The following SEMA4B variants were observed in gnomAD, a reference collection of about 807,000 sequenced individuals.
SEMA4B encodes the protein semaphorin-4B.
SEMA4B carries 55 observed loss-of-function variants against 88.1 expected under a neutral mutation model. The observed-to-expected ratio is 0.62, with a 90% CI of 0.50 to 0.78. The LOEUF (loss-of-function observed/expected upper bound fraction) is 0.78. Among genes scored for constraint, SEMA4B ranks in the 30% least tolerant of loss-of-function variants. The probability of loss-of-function intolerance (pLI) is 0.00; values close to 1 mark genes in which losing one functional copy is unlikely to be tolerated. For missense variants in SEMA4B, 1,062 were observed against 1,111.9 expected (o/e 0.96, Z 0.64); for synonymous variants, 525 against 473.6 (o/e 1.11, Z -1.41).
At chr15:90,202,555 C>T (rs1335980629) in intron 1 of SEMA4B, among the ~76,000 whole-genome samples, 3 of 152,178 alleles carry the variant, frequency 2.0e-5, no homozygotes, top group African/African-American at 7.2e-5. Flanking sequence ...GGCACTTGGG[C>T]TTTAGATTCA....
In SEMA4B at chr15:90,204,472, G is replaced by T. The variant is rs898390920; in HGVS notation, c.157+2737G>T. The stretch of plus-strand genomic sequence containing the variant: ...TTAAGATGCAGGGAGCCGATTTGTG[G>T]CCTCGCCCAGTGGCCAGTAGGGAGA... On this transcript the variant is annotated intron_variant, in intron 1 of 13. Transcript: ENST00000411539. Among the ~76,000 whole-genome samples, 3 of 152,172 alleles carry T rather than the reference G, an allele frequency of 2.0e-5. No individual in the cohort carries two copies. The South Asian group carries it at 6.2e-4, about 31-fold the overall frequency.
In SEMA4B at chr15:90,225,780, C is replaced by T. The variant is rs754816369; in HGVS notation, c.1641C>T (p.Gly547=). Residue 547 remains glycine, a synonymous_variant, in exon 12 of 14, where the codon GGC becomes GGT. Coordinates refer to ENST00000411539, the MANE Select transcript of SEMA4B (RefSeq NM_198925.4). ...LARDPYCAWS[G]SSCKHVSLYQ... ...GGGACCCCTACTGTGCTTGGAGCGG[C>T]TCCAGCTGCAAGCACGTCAGCCTCT... The T allele has an allele frequency of 4.5e-6, 7 of 1,564,892 alleles. No homozygotes were observed. The highest frequency in any genetic ancestry group is 6.1e-6 in the Non-Finnish European group (7 of 1,156,138).
Position 90,219,795 on chromosome 15 carries a change from C to CTGTCCCCCCA in SEMA4B, c.387_388insTGTCCCCCCA (p.Asp130CysfsTer73). 1 of 1,612,584 alleles carries CTGTCCCCCCA rather than the reference C, an allele frequency of 6.2e-7. No homozygotes were observed. Among genetic ancestry groups the CTGTCCCCCCA allele is most frequent in the South Asian group, 1.1e-5 (1 of 90,958 alleles). ...ATCCCCTCGCTCCTTCCCCCCAGCG[C>CTGTCCCCCCA]GACTGTCAAAACTACATCAAGATCC... On this transcript the variant is annotated frameshift_variant, in exon 4 of 14. Coordinates refer to ENST00000411539, the MANE Select transcript of SEMA4B (RefSeq NM_198925.4). LOFTEE classifies it high-confidence loss of function.
chr15:90,197,864 T>G (rs1346425345), upstream of SEMA4B, among the ~76,000 whole-genome samples: 2 of 152,116 alleles, frequency 1.3e-5, no homozygotes, highest in Admixed American at 6.5e-5. Context: ...TCAACATGAC[T>G]TCAGTGGGAT....
At chr15:90,203,171 C>G (rs1960827447) in intron 1 of SEMA4B, among the ~76,000 whole-genome samples, 1 of 152,210 alleles carries the variant, frequency 6.6e-6, no homozygotes, top group African/African-American at 2.4e-5. Flanking sequence ...TCAGAGTTTA[C>G]TTCTGTACAT....
At chr15:90,226,425 C>G (rs1962176649) in intron 12 of SEMA4B, among the ~76,000 whole-genome samples, 1 of 152,168 alleles carries the variant, frequency 6.6e-6, no homozygotes, top group South Asian at 2.1e-4. Context: ...ACTGCAACCT[C>G]CACGTCCTGG....
intron 12 of SEMA4B, 111 bp from the exon 13 acceptor site, chr15:90,227,446 G>C (rs1962227067): frequency 1.2e-6 from 1 of 811,336 alleles, no homozygotes; most frequent in African/African-American, 1.7e-5. Flanking sequence ...CTGTGGGTGG[G>C]GAATCAGCTC....
At chr15:90,220,837 G>A (rs1961789945) in intron 4 of SEMA4B, 145 bp from the exon 5 acceptor site, 5 of 623,518 alleles carry the variant, frequency 8.0e-6, no homozygotes, top group Admixed American at 4.8e-5. Flanking sequence ...TGAGGAGGAC[G>A]GCGTCCCTGA....
upstream of SEMA4B, among the ~76,000 whole-genome samples, chr15:90,198,738 G>A (rs1335469834): frequency 3.3e-5 from 5 of 152,146 alleles, no homozygotes; most frequent in Admixed American, 6.5e-5. Flanking sequence ...AAGTAGTAGA[G>A]GATGCAGTGG....
At chr15:90,207,977 G>A (rs796091733) in intron 1 of SEMA4B, among the ~76,000 whole-genome samples, 3 of 152,348 alleles carry the variant, frequency 2.0e-5, no homozygotes, top group African/African-American at 4.8e-5. Context: ...ATTAGGCCAG[G>A]TGCGGTGGCT....
Position 90,229,341 on chromosome 15 carries a change from T to A in SEMA4B, c.*698T>A, listed in dbSNP as rs138477071. ...AGGACAGCGCGAGCTCAGGAGAGAT[T>A]TCGTGACAATGTACGCCTTTCCCTC... On this transcript the variant is annotated 3_prime_UTR_variant, in exon 14 of 14. Transcript: ENST00000411539. 2.0e-5 allele frequency: 9 copies of A among 456,810 alleles called. No individual in the cohort carries two copies. Among genetic ancestry groups the A allele is most frequent in the Non-Finnish European group, 3.5e-5 (8 of 226,988 alleles). 28.3% of individuals were successfully genotyped at this position (456,810 alleles called of 1,614,324 possible).
Position 90,228,578 on chromosome 15 carries a change from GT to G in SEMA4B, c.2450del (p.Val817AspfsTer24). The G allele has an allele frequency of 1.2e-6, 2 of 1,613,662 alleles. No homozygotes were observed. Among genetic ancestry groups the G allele is most frequent in the Non-Finnish European group, 1.7e-6 (2 of 1,179,868 alleles). On this transcript the variant is annotated frameshift_variant, in exon 14 of 14. Transcript: ENST00000411539. LOFTEE classifies it high-confidence loss of function. ...CAGCATCCAAGACAGCTTCGTGGAG[GT>G]ATCCCCAGTGTGCCCCCGGCCCCGG... Reference protein sequence around the residue: ...PLSIQDSFVEVSPVCPRPRVR... With the variant: ...PLSIQDSFVEXSPVCPRPRVR...
intron 1 of SEMA4B, among the ~76,000 whole-genome samples, chr15:90,189,994 C>G (rs1230935280): frequency 6.6e-6 from 1 of 152,190 alleles, no homozygotes; most frequent in African/African-American, 2.4e-5. Context: ...GATGAGACGG[C>G]TAGAGATAAG....
chr15:90,221,509 G>C (rs1270605179), intron 6 of SEMA4B, 29 bp downstream of exon 6: 3 of 1,605,762 alleles, frequency 1.9e-6, no homozygotes, highest in African/African-American at 2.7e-5. Context: ...CACCCAGAGG[G>C]CAGGGATCCT....
In SEMA4B at chr15:90,229,378, AAG is replaced by A. The variant is rs1375408403; in HGVS notation, c.*739_*740del. On this transcript the variant is annotated 3_prime_UTR_variant, in exon 14 of 14. Transcript: ENST00000411539. ...TACGCCTTTCCCTCAGAATTCAGGG[AAG>A]AGACTGTCGCCTGCCTTCCTCCGTT... 2.2e-6 allele frequency: 1 copy of A among 456,608 alleles called. No individual in the cohort carries two copies. Among genetic ancestry groups the A allele is most frequent in the African/African-American group, 2.0e-5 (1 of 50,048 alleles). 28.3% of individuals were successfully genotyped at this position (456,608 alleles called of 1,614,324 possible).
At chr15:90,216,199 G>A (rs945152761) in intron 1 of SEMA4B, among the ~76,000 whole-genome samples, 17 of 151,938 alleles carry the variant, frequency 1.1e-4, no homozygotes, top group African/African-American at 3.9e-4. Context: ...TGTTGGTCAG[G>A]CTGGTCTCGA....
intron 3 of SEMA4B, chr15:90,219,496 C>T: frequency 3.2e-6 from 1 of 314,452 alleles, no homozygotes; most frequent in South Asian, 5.2e-5. Context: ...GAAGAGGATG[C>T]TGCTGGGGAA....
Position 90,228,374 on chromosome 15 carries a change from A to C in SEMA4B, c.2245A>C (p.Lys749Gln). ...CCGGAACAGCATGAAAGTCTTCCTGAAGCAGGGGGAATGTGCCAGCGTGCA... is the reference window on the plus strand; with the variant it reads ...CCGGAACAGCATGAAAGTCTTCCTGCAGCAGGGGGAATGTGCCAGCGTGCA... ...RHRNSMKVFL[K>Q]QGECASVHPK... The change falls in exon 14 of 14, where the codon AAG (lysine) becomes CAG (glutamine). Residue 749 changes from lysine (K) to glutamine (Q), a missense_variant. Coordinates refer to ENST00000411539, the MANE Select transcript of SEMA4B (RefSeq NM_198925.4). 1.9e-6 allele frequency: 3 copies of C among 1,599,608 alleles called. No individual in the cohort carries two copies. Among genetic ancestry groups the C allele is most frequent in the Non-Finnish European group, 2.6e-6 (3 of 1,172,606 alleles).
intron 1 of SEMA4B, chr15:90,191,877 G>T (rs1041613142): frequency 2.0e-5 from 3 of 152,316 alleles, no homozygotes; most frequent in African/African-American, 7.2e-5. Context: ...GCAGCCATTG[G>T]CTGATTTGAA....
Sources: allele counts gnomAD v4.1 joint callset (sites outside exome capture counted in the v4.1 genomes callset), GRCh38; gene constraint gnomAD v4.1.1; transcripts MANE v1.5; gene names NCBI Gene and HGNC (gene_info 2026-07-23, HGNC 2026-07-21).